ANKS1B: variants seen among roughly 807,000 people sequenced by gnomAD.
ANKS1B encodes ankyrin repeat and sterile alpha motif domain containing 1B, also known as ankyrin repeat and sterile alpha motif domain-containing protein 1B.
In ANKS1B, 36 loss-of-function variants were observed where a neutral mutation model predicts 148.3. The observed-to-expected ratio is 0.24, with a 90% CI of 0.19 to 0.32. ANKS1B has a LOEUF of 0.32. Among genes scored for constraint, ANKS1B ranks in the 10% least tolerant of loss-of-function variants. The pLI is 1.00. For missense variants in ANKS1B, 1,157 were observed against 1,542.6 expected, an observed-to-expected ratio of 0.75 and a Z score of 4.19; for synonymous variants, 542 against 560.8, an observed-to-expected ratio of 0.97 and a Z score of 0.47.
At chr12:99,390,169 C>T (rs2094009293) in intron 12 of ANKS1B, among the ~76,000 whole-genome samples, 1 of 152,168 alleles carries the variant, frequency 6.6e-6, no homozygotes, top group Non-Finnish European at 1.5e-5. Flanking sequence ...TATGAAGCTA[C>T]ATTAATTAAG....
In ANKS1B at chr12:99,244,341, C is replaced by T; in HGVS notation, c.2419+1G>A. Reference sequence around the variant, plus strand: ...TATAATGTAGAGGAAGGTTGCCTTACTTGTGGTCTCACCATTCATCTCTTT... The same window carrying T: ...TATAATGTAGAGGAAGGTTGCCTTATTTGTGGTCTCACCATTCATCTCTTT... On this transcript the variant is annotated splice_donor_variant, in intron 14 of 26. Transcript: ENST00000683438. LOFTEE classifies it high-confidence loss of function. The T allele has an allele frequency of 1.2e-6, 2 of 1,601,754 alleles. No individual in the cohort carries two copies. The highest frequency in any genetic ancestry group is 1.7e-6 in the Non-Finnish European group (2 of 1,173,512).
intron 1 of ANKS1B, among the ~76,000 whole-genome samples, chr12:99,981,718 T>G (rs960754579): frequency 1.3e-5 from 2 of 152,092 alleles, no homozygotes; most frequent in Non-Finnish European, 2.9e-5. Flanking sequence ...ATCTGTGAAA[T>G]GACAATGGAC....
chr12:99,851,944 C>T (rs1437724882), intron 1 of ANKS1B, among the ~76,000 whole-genome samples: 1 of 152,170 alleles, frequency 6.6e-6, no homozygotes, highest in Admixed American at 6.5e-5. Context: ...TTCATTTATG[C>T]ATACAATAAA....
intron 1 of ANKS1B, among the ~76,000 whole-genome samples, chr12:99,916,797 C>G (rs1357852586): frequency 1.3e-5 from 2 of 152,234 alleles, no homozygotes; most frequent in East Asian, 3.9e-4. Flanking sequence ...TAGCCCAAGG[C>G]AAGGATGAAC....
chr12:99,423,824 C>T (rs185062662), intron 11 of ANKS1B, among the ~76,000 whole-genome samples: 1 of 152,174 alleles, frequency 6.6e-6, no homozygotes, highest in East Asian at 1.9e-4. Flanking sequence ...ATAACACACA[C>T]TGGGACCTAT....
At chr12:99,921,258 T>C (rs184503211) in intron 1 of ANKS1B, among the ~76,000 whole-genome samples, 310 of 152,124 alleles carry the variant, frequency 2.0e-3, no homozygotes, top group Admixed American at 3.7e-3. Flanking sequence ...TGAGTTCTCA[T>C]GAGATCTGAT....
chr12:98,897,161 AG>A (rs1286754983), intron 17 of ANKS1B, among the ~76,000 whole-genome samples: 1 of 152,150 alleles, frequency 6.6e-6, no homozygotes, highest in East Asian at 1.9e-4. Flanking sequence ...TGGGAGGGGA[AG>A]TCGCTGTCCA....
intron 12 of ANKS1B, among the ~76,000 whole-genome samples, chr12:99,389,873 G>A (rs1359975136): frequency 2.0e-5 from 3 of 152,058 alleles, no homozygotes; most frequent in Non-Finnish European, 1.5e-5. Context: ...AAGGATTAGC[G>A]CTTGTAGGAC....
chr12:99,901,333 T>G (rs1471407950), intron 1 of ANKS1B, among the ~76,000 whole-genome samples: 1 of 152,230 alleles, frequency 6.6e-6, no homozygotes, highest in South Asian at 2.1e-4. Flanking sequence ...CAGCCTGTGC[T>G]GCCAGACTTC....
chr12:99,134,670 C>T (rs1433842158), intron 15 of ANKS1B, among the ~76,000 whole-genome samples: 8 of 149,864 alleles, frequency 5.3e-5, no homozygotes, highest in African/African-American at 2.0e-4. Flanking sequence ...CACACACACA[C>T]ACACACACAC....
At position 99,773,310 on chromosome 12, in the gene ANKS1B, T is replaced by G. The variant is rs966083209; in HGVS notation, c.962-222A>C. ...TGCCTATTTTTATTCTTTTTCAAAA[T>G]AGAAATAATTATTGTAAGGTTATGT... On this transcript the variant is annotated intron_variant, in intron 7 of 26. Coordinates refer to ENST00000683438, the MANE Select transcript of ANKS1B (RefSeq NM_001352186.2). 2.0e-5 allele frequency among the ~76,000 whole-genome samples: 3 copies of G among 152,280 alleles called. 1 individual carries two copies. Among genetic ancestry groups the G allele is most frequent in the Middle Eastern group, 6.8e-3 (2 of 294 alleles).
intron 9 of ANKS1B, among the ~76,000 whole-genome samples, chr12:99,536,779 C>G (rs1270115375): frequency 6.6e-6 from 1 of 152,084 alleles, no homozygotes; most frequent in African/African-American, 2.4e-5. Flanking sequence ...CAATCACACT[C>G]TTTATTTTTA....
chr12:98,832,683 A>AT (rs2099328519), intron 17 of ANKS1B, among the ~76,000 whole-genome samples: 1 of 152,062 alleles, frequency 6.6e-6, no homozygotes, highest in African/African-American at 2.4e-5. Context: ...TGTGCTGCTG[A>AT]TGTCTCCTCA....
At chr12:99,107,022 TACACC>T in intron 15 of ANKS1B, among the ~76,000 whole-genome samples, 1 of 152,070 alleles carries the variant, frequency 6.6e-6, no homozygotes, top group East Asian at 1.9e-4. Context: ...CCTACTCCAT[TACACC>T]ACAATGATGG....
chr12:99,057,015 G>A (rs1199230117), intron 16 of ANKS1B, among the ~76,000 whole-genome samples: 1 of 152,078 alleles, frequency 6.6e-6, no homozygotes, highest in Non-Finnish European at 1.5e-5. Flanking sequence ...CAGAAGCTTG[G>A]GAGTTATCTT....
At chr12:99,923,142 G>C (rs995146656) in intron 1 of ANKS1B, among the ~76,000 whole-genome samples, 1 of 152,128 alleles carries the variant, frequency 6.6e-6, no homozygotes, top group Non-Finnish European at 1.5e-5. Context: ...TATGGCTTCA[G>C]CATTCCATCA....
intron 8 of ANKS1B, among the ~76,000 whole-genome samples, chr12:99,770,909 C>T (rs147122415): frequency 4.6e-5 from 7 of 152,152 alleles, no homozygotes; most frequent in African/African-American, 1.2e-4. Context: ...GTCACAGGAA[C>T]GAAGAGTGGT....
At chr12:99,975,509 C>A (rs1047731180) in intron 1 of ANKS1B, among the ~76,000 whole-genome samples, 13 of 152,162 alleles carry the variant, frequency 8.5e-5, no homozygotes, top group Non-Finnish European at 2.9e-5. Flanking sequence ...AAATAACAGC[C>A]ATTCTGACTA....
chr12:99,484,389 T>C (rs555232233), intron 10 of ANKS1B, among the ~76,000 whole-genome samples: 124 of 152,116 alleles, frequency 8.2e-4, no homozygotes, highest in Admixed American at 2.0e-3. Context: ...TAAAAATTTA[T>C]TGAGGCTTCT....
Sources: allele counts gnomAD v4.1 joint callset (sites outside exome capture counted in the v4.1 genomes callset), GRCh38; gene constraint gnomAD v4.1.1; transcripts MANE v1.5; gene names NCBI Gene and HGNC (gene_info 2026-07-23, HGNC 2026-07-21).